Variants in SLC4A9 observed in about 807,000 individuals in gnomAD.
SLC4A9 encodes anion exchange protein 4.
A neutral mutation model predicts 103.2 loss-of-function variants in SLC4A9; 102 were observed. The ratio of observed to expected loss-of-function variants is 0.99; its 90% CI spans 0.84 to 1.17. SLC4A9 has a LOEUF of 1.17. Ranked by LOEUF, SLC4A9 falls within the 50% of genes most tolerant of loss-of-function variation. SLC4A9 has a pLI of 0.00. For missense variants in SLC4A9, 1,091 were observed against 1,193.7 expected (o/e 0.91, Z 1.27); for synonymous variants, 453 against 483.6 (o/e 0.94, Z 0.83).
At chr5:140,361,060 C>G in intron 2 of SLC4A9, 88 bp downstream of exon 2, 1 of 1,305,130 alleles carries the variant, frequency 7.7e-7, no homozygotes, top group Non-Finnish European at 1.0e-6. Context: ...TCTTCCAGAG[C>G]CCATCCCTAC....
At position 140,363,784 on chromosome 5, in the gene SLC4A9, A is replaced by G; in HGVS notation, c.1136A>G (p.Asp379Gly). The G allele has an allele frequency of 6.2e-7, 1 of 1,613,774 alleles. No homozygotes were observed. Among genetic ancestry groups the G allele is most frequent in the South Asian group, 1.1e-5 (1 of 91,070 alleles). ...AGGAAGGTCCCGTGGTACCCCAGCG[A>G]TTTCTTGGACGCCCTGCATCTCCAG... ...VRRKVPWYPS[D>G]FLDALHLQCF... Residue 379 changes from aspartate (D) to glycine (G), a missense_variant, in exon 9 of 22, where the codon GAT becomes GGT. Coordinates refer to ENST00000506757, the MANE Select transcript of SLC4A9 (RefSeq NM_031467.3). The surrounding 1 kb of genome is among the most constrained non-coding windows in gnomAD (Gnocchi z 4.5).
At position 140,361,358 on chromosome 5, in the gene SLC4A9, C is replaced by G. The variant is rs1320538602; in HGVS notation, c.496C>G (p.Pro166Ala). The change falls in exon 3 of 22, where the codon CCC becomes GCC. Residue 166 changes from proline (P) to alanine (A), a missense_variant. Pro to Ala is a conservative substitution (Grantham distance 27). Transcript: ENST00000506757. ...TTACAACCAGACCACAGGCACCAGG[C>G]CCTGCTGGGGTGAGAGCCCCTCCCT... The part of the protein sequence containing the change: ...QHYNQTTGTR[P>A]CWGSTHPRKA... The G allele has an allele frequency of 6.4e-7, 1 of 1,555,064 alleles. No individual in the cohort carries two copies. The highest frequency in any genetic ancestry group is 8.7e-7 in the Non-Finnish European group (1 of 1,148,940).
chr5:140,372,689 T>C lies in SLC4A9; in HGVS notation c.2827-56T>C, dbSNP rs917526112. 9 of 1,482,594 alleles carry C rather than the reference T, an allele frequency of 6.1e-6. No individual in the cohort carries two copies. In the Admixed American group the frequency reaches 2.3e-4, roughly 38 times the overall value. The allele number at this position is 1,482,594 out of a possible 1,614,324, so 91.8% of individuals were successfully genotyped here. The stretch of plus-strand genomic sequence containing the variant: ...CTGTGGGTTTACCTCTATGTTGTCT[T>C]TCACTATCTGTCTTTCTATCTATTC... On this transcript the variant is annotated intron_variant, in intron 20 of 21. Transcript: ENST00000506757.
At chr5:140,373,203 G>T (rs897630160) in intron 21 of SLC4A9, among the ~76,000 whole-genome samples, 11 of 152,166 alleles carry the variant, frequency 7.2e-5, no homozygotes, top group Non-Finnish European at 1.0e-4. Flanking sequence ...TGCTTGGAAG[G>T]CTCCCCCCTT....
At chr5:140,366,079 C>G in intron 13 of SLC4A9, 57 bp downstream of exon 13, 1 of 1,609,830 alleles carries the variant, frequency 6.2e-7, no homozygotes, top group East Asian at 2.2e-5. Context: ...TGGGTCCTAT[C>G]TGTGATGGGA....
chr5:140,372,541 G>T lies in SLC4A9; in HGVS notation c.2826+144G>T, dbSNP rs530626278. 8.6e-5 allele frequency: 126 copies of T among 1,464,568 alleles called. 2 individuals are homozygous for T. The South Asian group carries it at 1.7e-3, about 20-fold the overall frequency. 90.7% of individuals were successfully genotyped at this position (1,464,568 alleles called of 1,614,324 possible). On this transcript the variant is annotated intron_variant, in intron 20 of 21. Coordinates refer to ENST00000506757, the MANE Select transcript of SLC4A9 (RefSeq NM_031467.3). ...TTCCCTTATCTGTGTATGGACATAGGCAGACTGAAGGGGTGAAGGAAATCT... is the reference window on the plus strand; with the variant it reads ...TTCCCTTATCTGTGTATGGACATAGTCAGACTGAAGGGGTGAAGGAAATCT...
At position 140,367,684 on chromosome 5, in the gene SLC4A9, T is replaced by A. The variant is rs535379220; in HGVS notation, c.2176-36T>A. 5.6e-6 allele frequency: 9 copies of A among 1,611,942 alleles called. No individual in the cohort carries two copies. The South Asian group carries it at 9.9e-5, about 18-fold the overall frequency. On this transcript the variant is annotated intron_variant, in intron 15 of 21. Transcript: ENST00000506757. Reference sequence around the variant, plus strand: ...GAGGACAGAGGGCTGGGGCCTGGGCTAGCTTCATCCTCATTGCCCCCACCA... The same window carrying A: ...GAGGACAGAGGGCTGGGGCCTGGGCAAGCTTCATCCTCATTGCCCCCACCA...
chr5:140,370,202 G>A (rs913766036), intron 17 of SLC4A9, among the ~76,000 whole-genome samples: 3 of 151,684 alleles, frequency 2.0e-5, no homozygotes, highest in East Asian at 2.0e-4. Flanking sequence ...GGTGGCTCAC[G>A]CCTGTAATCC....
intron 11 of SLC4A9, among the ~76,000 whole-genome samples, chr5:140,365,154 C>T (rs540501568): frequency 4.3e-4 from 65 of 152,274 alleles, no homozygotes; most frequent in South Asian, 2.5e-3. Context: ...GAAGGCAACC[C>T]CAGGACTGGG....
intron 16 of SLC4A9, 68 bp from the exon 17 acceptor site, chr5:140,368,519 C>G (rs1223680001): frequency 1.4e-6 from 2 of 1,404,538 alleles, no homozygotes; most frequent in East Asian, 4.7e-5. Context: ...GGTATTCAGC[C>G]AGGATCTCCA....
chr5:140,364,190 A>T lies in SLC4A9; in HGVS notation c.1388+3A>T. ...CGCCTGCTCTTCTCTTTCAGCAGGT[A>T]GGAGAGCTCCCCCCATCACCGGACC... On this transcript the variant is annotated splice_donor_region_variant and intron_variant, in intron 10 of 21. Transcript: ENST00000506757. The T allele has an allele frequency of 6.4e-7, 1 of 1,564,274 alleles. No homozygotes were observed. The highest frequency in any genetic ancestry group is 8.7e-7 in the Non-Finnish European group (1 of 1,154,646).
intron 17 of SLC4A9, 72 bp downstream of exon 17, chr5:140,368,731 G>A (rs918131224): frequency 9.9e-6 from 13 of 1,311,234 alleles, no homozygotes; most frequent in Middle Eastern, 3.9e-4. Flanking sequence ...ACTGACAGTA[G>A]TTGAATACTT....
chr5:140,363,141 G>T lies in SLC4A9; in HGVS notation c.962+75G>T. On this transcript the variant is annotated intron_variant, in intron 7 of 21. Transcript: ENST00000506757. This position sits in a 1 kb window ranked among gnomAD's most constrained non-coding sequence, Gnocchi z 4.5. ...GGTCTAATTCCATTGTTGAGGAGGG[G>T]TGGTGTCCCAGGAAAGAGATAGGGA... 2 of 1,550,394 alleles carry T rather than the reference G, an allele frequency of 1.3e-6. No homozygotes were observed. The highest frequency in any genetic ancestry group is 2.3e-5 in the East Asian group (1 of 43,822).
intron 19 of SLC4A9, 41 bp downstream of exon 19, chr5:140,371,665 G>A (rs748524222): frequency 1.1e-5 from 18 of 1,606,004 alleles, no homozygotes; most frequent in Non-Finnish European, 1.5e-5. Flanking sequence ...GGAGGGTCTT[G>A]GGAGACTCTG....
rs1490604209 is a variant in SLC4A9 at position 140,373,339 on chromosome 5, G to C, written c.*45+496G>C. 2.0e-5 allele frequency among the ~76,000 whole-genome samples: 3 copies of C among 152,216 alleles called. No individual in the cohort carries two copies. The South Asian group carries it at 6.2e-4, about 32-fold the overall frequency. On this transcript the variant is annotated intron_variant, in intron 21 of 21. Transcript: ENST00000506757. ...TGAGTACCTATCATGCAGTATCTTG[G>C]TACTAGAGATACAGTAGTGAGTAAG...
Position 140,362,543 on chromosome 5 carries a change from C to T in SLC4A9, c.807+11C>T, listed in dbSNP as rs202025062. 5.0e-5 allele frequency: 81 copies of T among 1,613,146 alleles called. No individual in the cohort carries two copies. In the African/African-American group the frequency reaches 8.0e-4, roughly 16 times the overall value. ...CTCCTCAGTGACCCGGTGAGCTGAG[C>T]AGGTGTGTGTGTGTGCGCGCGCACG... On this transcript the variant is annotated intron_variant, in intron 6 of 21. Coordinates refer to ENST00000506757, the MANE Select transcript of SLC4A9 (RefSeq NM_031467.3).
rs1687185474 is a variant in SLC4A9, at chr5:140,372,268, G to A, written c.2697G>A (p.Lys899=). The change falls in exon 20 of 22, where the codon AAG becomes AAA. Residue 899 remains lysine (K), a synonymous_variant. Coordinates refer to ENST00000506757, the MANE Select transcript of SLC4A9 (RefSeq NM_031467.3). ...LMLLGLVGVR[K]ALERVFSPQE... ...TGCTGGGCCTTGTGGGGGTCCGAAAGGCCCTGGAGAGGGTCTTCTCACCAC... is the reference window on the plus strand; with the variant it reads ...TGCTGGGCCTTGTGGGGGTCCGAAAAGCCCTGGAGAGGGTCTTCTCACCAC... The A allele has an allele frequency of 1.1e-5, 18 of 1,573,394 alleles. No individual in the cohort carries two copies. Among genetic ancestry groups the A allele is most frequent in the South Asian group, 3.5e-5 (3 of 84,564 alleles).
intron 17 of SLC4A9, 183 bp from the exon 18 acceptor site, chr5:140,370,912 A>G (rs1439505829): frequency 2.1e-5 from 12 of 582,130 alleles, no homozygotes; most frequent in Non-Finnish European, 3.4e-5. Context: ...CAATAATAAC[A>G]TTTACTTCAT....
Position 140,360,471 on chromosome 5 carries a change from G to T in SLC4A9, c.230+5G>T. 2 of 1,564,560 alleles carry T rather than the reference G, an allele frequency of 1.3e-6. No individual in the cohort carries two copies. Among genetic ancestry groups the T allele is most frequent in the Non-Finnish European group, 1.7e-6 (2 of 1,154,182 alleles). On this transcript the variant is annotated splice_donor_5th_base_variant and intron_variant, in intron 1 of 21. Coordinates refer to ENST00000506757, the MANE Select transcript of SLC4A9 (RefSeq NM_031467.3). ...GGAGTGGAGAGAGACAGGCAGGTAA[G>T]TTGGATGCAGGCCAGTTCTGTGGGA...
Sources: allele counts gnomAD v4.1 joint callset (sites outside exome capture counted in the v4.1 genomes callset), GRCh38; gene constraint gnomAD v4.1.1; non-coding constraint Gnocchi (gnomAD v3.1); transcripts MANE v1.5; gene names NCBI Gene and HGNC (gene_info 2026-07-23, HGNC 2026-07-21).